PLOD2: variants seen among roughly 807,000 people sequenced by gnomAD.
PLOD2 encodes lysine hydroxylase 2.
In PLOD2, 65 loss-of-function variants were observed where a neutral mutation model predicts 101.0. That is an observed-to-expected ratio of 0.64 (90% confidence interval 0.53 to 0.79). The LOEUF is 0.79. Among genes scored for constraint, PLOD2 ranks in the 30% least tolerant of loss-of-function variants. The pLI is 0.00. For synonymous variants in PLOD2, 314 were observed against 302.9 expected, an observed-to-expected ratio of 1.04 and a Z score of -0.38; for missense variants, 909 against 914.6, an observed-to-expected ratio of 0.99 and a Z score of 0.08.
chr3:146,070,840 G>C lies in PLOD2; in HGVS notation c.2154C>G (p.Cys718Trp). ...GGGCKFLRYN[C>W]SIESPRKGWS... ...AGCCTTTTCGTGGTGACTCAATAGA[G>C]CAATTGTACCTTAGAAATTTGCAAC... is the stretch of plus-strand genomic sequence containing the variant. Residue 718 changes from cysteine (C) to tryptophan (W), a missense_variant, in exon 20 of 20, where the codon TGC (cysteine) becomes TGG (tryptophan). Cys to Trp is a radical substitution (Grantham distance 215, BLOSUM62 -2). Coordinates refer to ENST00000282903, the MANE Select transcript of PLOD2 (RefSeq NM_182943.3). 1 of 1,610,370 alleles carries C rather than the reference G, an allele frequency of 6.2e-7. No homozygotes were observed. Among genetic ancestry groups the C allele is most frequent in the Non-Finnish European group, 8.5e-7 (1 of 1,177,552 alleles).
chr3:146,131,377 C>T (rs893944369), intron 1 of PLOD2, among the ~76,000 whole-genome samples: 3 of 151,994 alleles, frequency 2.0e-5, no homozygotes, highest in South Asian at 2.1e-4. Context: ...TGGGGATGTC[C>T]GACATATTAT....
At chr3:146,119,002 A>G (rs2108086439) in intron 3 of PLOD2, among the ~76,000 whole-genome samples, 1 of 152,226 alleles carries the variant, frequency 6.6e-6, no homozygotes, top group Non-Finnish European at 1.5e-5. Flanking sequence ...CTCAGACCAT[A>G]GTTGATATAA....
intron 14 of PLOD2, chr3:146,077,329 C>T (rs1408790997): frequency 2.8e-5 from 6 of 212,968 alleles, no homozygotes; most frequent in Non-Finnish European, 4.1e-5. Context: ...CTGTTTCATT[C>T]CTTTCTTTTT....
chr3:146,083,395 A>C (rs1936631255), intron 11 of PLOD2, among the ~76,000 whole-genome samples: 1 of 152,162 alleles, frequency 6.6e-6, no homozygotes, highest in Admixed American at 6.5e-5. Context: ...AATCTACTAA[A>C]TCTTGCAACA....
In PLOD2 at chr3:146,106,587, T is replaced by G; in HGVS notation, c.560A>C (p.Asp187Ala). ...GTAAAAGAGCTGATCATCATCATTA[T>G]CCTGGAGATTCCATTGTTGAACTAT... ...NRIVQQWNLQ[D>A]NDDDQLFYTK... The change falls in exon 5 of 20, where the codon GAT (aspartate) becomes GCT (alanine). Residue 187 changes from aspartate (D) to alanine (A), a missense_variant. Asp to Ala is a moderately radical substitution (Grantham distance 126). Coordinates refer to ENST00000282903, the MANE Select transcript of PLOD2 (RefSeq NM_182943.3). 1 of 1,597,854 alleles carries G rather than the reference T, an allele frequency of 6.3e-7. No homozygotes were observed.
Position 146,071,407 on chromosome 3 carries a change from C to T in PLOD2, c.1865G>A (p.Gly622Asp). 1.2e-6 allele frequency: 2 copies of T among 1,611,588 alleles called. No homozygotes were observed. The highest frequency in any genetic ancestry group is 1.1e-5 in the South Asian group (1 of 91,036). Residue 622 changes from glycine to aspartate, a missense_variant, in exon 18 of 20, where the codon GGT becomes GAT. Coordinates refer to ENST00000282903, the MANE Select transcript of PLOD2 (RefSeq NM_182943.3). ...GGKHHDSRIS[G>D]GYENVPTDDI... Reference sequence around the variant, plus strand: ...ATCAGTTGGGACATTTTCATAACCACCAGATATACGGCTATCCTAGAAACA... The same window carrying T: ...ATCAGTTGGGACATTTTCATAACCATCAGATATACGGCTATCCTAGAAACA...
chr3:146,112,720 G>A (rs1937700869), intron 3 of PLOD2, among the ~76,000 whole-genome samples: 1 of 151,872 alleles, frequency 6.6e-6, no homozygotes, highest in Non-Finnish European at 1.5e-5. Flanking sequence ...GCGTGGTGAT[G>A]TGCGCCTGTA....
intron 9 of PLOD2, among the ~76,000 whole-genome samples, chr3:146,087,284 G>A (rs1419551949): frequency 2.0e-5 from 3 of 151,846 alleles, no homozygotes; most frequent in African/African-American, 7.2e-5. Flanking sequence ...AGAAATCTTA[G>A]ATATATGTTG....
At position 146,073,016 on chromosome 3, in the gene PLOD2, G is replaced by T. The variant is rs1449444; in HGVS notation, c.1743+271C>A. ...TGCAAGAGTTCTACATCAGAGATCT[G>T]TCAACAGTTTCTATTTTTAGTGGTT... On this transcript the variant is annotated intron_variant, in intron 16 of 19. Coordinates refer to ENST00000282903, the MANE Select transcript of PLOD2 (RefSeq NM_182943.3). Among the ~76,000 whole-genome samples, 72,138 of 151,308 alleles carry T rather than the reference G, an allele frequency of 0.48. 17,336 individuals carry two copies. Among genetic ancestry groups the T allele is most frequent in the East Asian group, 0.56 (2,899 of 5,138 alleles).
In PLOD2 at chr3:146,071,295, A is replaced by AAAG; in HGVS notation, c.1974_1976dup (p.Phe659dup). The AAAG allele has an allele frequency of 6.2e-7, 1 of 1,612,162 alleles. No individual in the cohort carries two copies. The highest frequency in any genetic ancestry group is 1.7e-5 in the Admixed American group (1 of 59,756). The stretch of plus-strand genomic sequence containing the variant: ...TAACTACCTTCGTATAATAGCCTGC[A>AAAG]AAGACCTTCAGTGTAACTGGTGCAA... On this transcript the variant is annotated inframe_insertion, in exon 18 of 20. Transcript: ENST00000282903.
At chr3:146,097,568 G>A (rs937197546) in intron 7 of PLOD2, among the ~76,000 whole-genome samples, 2 of 112,666 alleles carry the variant, frequency 1.8e-5, no homozygotes, top group African/African-American at 7.0e-5. Context: ...GGCGGTGCAA[G>A]ATGTGCTTTG....
chr3:146,160,550 C>CGGAAAGGAGG (rs1559878636), intron 1 of PLOD2, among the ~76,000 whole-genome samples: 2 of 152,254 alleles, frequency 1.3e-5, no homozygotes, highest in East Asian at 1.9e-4. Context: ...TGCCAACTCT[C>CGGAAAGGAGG]GGAAAGGAGG....
chr3:146,141,519 T>G (rs2108125351), intron 1 of PLOD2, among the ~76,000 whole-genome samples: 1 of 152,192 alleles, frequency 6.6e-6, no homozygotes, highest in East Asian at 1.9e-4. Flanking sequence ...GCCCTGCAAA[T>G]ACTCCTCAAA....
chr3:146,156,977 G>C (rs2032327791), intron 1 of PLOD2, among the ~76,000 whole-genome samples: 1 of 152,216 alleles, frequency 6.6e-6, no homozygotes, highest in Non-Finnish European at 1.5e-5. Flanking sequence ...ACTTTGTATT[G>C]AGTAAAGCAG....
rs191743144 is a variant in PLOD2, at chr3:146,120,883, G to A, written c.338+229C>T. Among the ~76,000 whole-genome samples, 1,037 of 151,918 alleles carry A rather than the reference G, an allele frequency of 6.8e-3. 26 individuals carry two copies. The highest frequency in any genetic ancestry group is 0.046 in the East Asian group (239 of 5,148). On this transcript the variant is annotated intron_variant, in intron 3 of 19. Transcript: ENST00000282903. The stretch of plus-strand genomic sequence containing the variant: ...ATTACAGGCACCTGCCACCACGCCC[G>A]GCTAATTTTTTGTATTTTTAGTAGA...
chr3:146,153,519 C>G (rs919262269), intron 1 of PLOD2, among the ~76,000 whole-genome samples: 1 of 152,144 alleles, frequency 6.6e-6, no homozygotes, highest in South Asian at 2.1e-4. Flanking sequence ...TAGTCAATGA[C>G]AGAGCAGCCT....
chr3:146,076,472 A>T (rs1936338407), intron 15 of PLOD2: 1 of 203,920 alleles, frequency 4.9e-6, no homozygotes, highest in Admixed American at 5.7e-5. Flanking sequence ...CCAGTAATGG[A>T]ATTGCTGGGT....
At chr3:146,098,498 A>C (rs1937279718) in intron 7 of PLOD2, among the ~76,000 whole-genome samples, 1 of 152,168 alleles carries the variant, frequency 6.6e-6, no homozygotes, top group Non-Finnish European at 1.5e-5. Context: ...TATGAAAACA[A>C]AGGAAAATAT....
intron 1 of PLOD2, among the ~76,000 whole-genome samples, chr3:146,152,716 C>T (rs542195519): frequency 6.6e-6 from 1 of 152,192 alleles, no homozygotes; most frequent in African/African-American, 2.4e-5. Context: ...GGTTGCTTAC[C>T]CATAAGTGCT....
Sources: gnomAD v4.1 joint callset for allele counts (sites outside exome capture counted in the v4.1 genomes callset) on GRCh38, gnomAD v4.1.1 for gene constraint, MANE v1.5 for transcripts, NCBI Gene and HGNC (gene_info 2026-07-23, HGNC 2026-07-21) for gene names.